Variants in TBC1D9 observed in about 807,000 individuals in gnomAD.
TBC1D9 encodes TBC1 domain family member 9.
Under a neutral mutation model 132.0 loss-of-function variants are expected in TBC1D9, and 63 were observed. The ratio of observed to expected loss-of-function variants is 0.48; its 90% CI spans 0.39 to 0.59. The LOEUF is 0.59. TBC1D9 is among the 20% of genes least tolerant of loss of function. TBC1D9 has a pLI of 0.00. For synonymous variants in TBC1D9, 610 were observed against 609.9 expected (o/e 1.00, Z 0.00); for missense variants, 1,261 against 1,592.7 (o/e 0.79, Z 3.54).
At chr4:140,732,891 A>C (rs989007986) in intron 1 of TBC1D9, among the ~76,000 whole-genome samples, 7 of 152,334 alleles carry the variant, frequency 4.6e-5, no homozygotes, top group Non-Finnish European at 7.4e-5. Flanking sequence ...AATTATAACA[A>C]TATACATCAT....
chr4:140,627,731 C>G (rs1290501620), intron 17 of TBC1D9, among the ~76,000 whole-genome samples: 1 of 152,094 alleles, frequency 6.6e-6, no homozygotes, highest in East Asian at 1.9e-4. Context: ...TTTTAACAAC[C>G]CCACACCAAA....
intron 13 of TBC1D9, among the ~76,000 whole-genome samples, chr4:140,649,549 T>A (rs77378451): frequency 2.0e-5 from 3 of 152,096 alleles, no homozygotes; most frequent in African/African-American, 7.2e-5. Context: ...GCTTTAGGTA[T>A]AGAAAAGCCT....
Position 140,639,434 on chromosome 4 carries a change from A to C in TBC1D9, c.2338-6T>G, listed in dbSNP as rs1326857258. On this transcript the variant is annotated splice_region_variant and splice_polypyrimidine_tract_variant and intron_variant, in intron 13 of 20. Coordinates refer to ENST00000442267, the MANE Select transcript of TBC1D9 (RefSeq NM_015130.3). ...GCCCGGATAGTTCCGAATTTCTGTA[A>C]AGGAGCAATATTGGTGTCTCTGAAA... is the stretch of plus-strand genomic sequence containing the variant. The C allele has an allele frequency of 8.1e-6, 13 of 1,598,206 alleles. No homozygotes were observed. Among genetic ancestry groups the C allele is most frequent in the Non-Finnish European group, 1.1e-5 (13 of 1,169,524 alleles).
chr4:140,735,781 C>T (rs1738664515), intron 1 of TBC1D9, among the ~76,000 whole-genome samples: 1 of 152,186 alleles, frequency 6.6e-6, no homozygotes, highest in South Asian at 2.1e-4. Context: ...AATAGCAAGA[C>T]CTACTGTGGC....
rs908649329 is a variant in TBC1D9, at chr4:140,657,895, C to T, written c.1922-83G>A. On this transcript the variant is annotated intron_variant, in intron 11 of 20. Coordinates refer to ENST00000442267, the MANE Select transcript of TBC1D9 (RefSeq NM_015130.3). Reference sequence around the variant, plus strand: ...AGAATCCATTCAAACAACTTGACTGCTAGCACAGGACTCTGTTCCTTTCTG... The same window carrying T: ...AGAATCCATTCAAACAACTTGACTGTTAGCACAGGACTCTGTTCCTTTCTG... 6 of 1,448,312 alleles carry T rather than the reference C, an allele frequency of 4.1e-6. No homozygotes were observed. In the African/African-American group the frequency reaches 8.5e-5, roughly 20 times the overall value. 89.7% of individuals were successfully genotyped at this position (1,448,312 alleles called of 1,614,324 possible).
chr4:140,739,938 G>A (rs1352242384), intron 1 of TBC1D9, among the ~76,000 whole-genome samples: 1 of 152,146 alleles, frequency 6.6e-6, no homozygotes, highest in African/African-American at 2.4e-5. Flanking sequence ...TGTAAACAGA[G>A]ACCAAATCCT....
At chr4:140,690,940 T>C (rs900616244) in intron 2 of TBC1D9, among the ~76,000 whole-genome samples, 15 of 152,352 alleles carry the variant, frequency 9.8e-5, no homozygotes, top group African/African-American at 3.4e-4. Context: ...AATTGAACTA[T>C]GGATTCCTAT....
chr4:140,656,990 T>G (rs2110996187), intron 13 of TBC1D9, 107 bp downstream of exon 13: 2 of 1,335,688 alleles, frequency 1.5e-6, no homozygotes, highest in East Asian at 4.8e-5. Context: ...AATAAATATC[T>G]GTTCTTTGCC....
chr4:140,639,666 C>T (rs1370768966), intron 13 of TBC1D9, among the ~76,000 whole-genome samples: 3 of 152,144 alleles, frequency 2.0e-5, no homozygotes, highest in Admixed American at 1.3e-4. Context: ...ATGTATTTTC[C>T]TTAAGTCATC....
At chr4:140,724,904 A>T (rs1282788037) in intron 1 of TBC1D9, among the ~76,000 whole-genome samples, 1 of 152,228 alleles carries the variant, frequency 6.6e-6, no homozygotes, top group Non-Finnish European at 1.5e-5. Context: ...ATAATATGAT[A>T]ACACATTCTG....
intron 2 of TBC1D9, among the ~76,000 whole-genome samples, chr4:140,688,757 C>T (rs1737828178): frequency 6.6e-6 from 1 of 152,130 alleles, no homozygotes; most frequent in Non-Finnish European, 1.5e-5. Context: ...TGTCTGTCGA[C>T]ACATTGTGGA....
At chr4:140,653,104 T>C (rs986015071) in intron 13 of TBC1D9, among the ~76,000 whole-genome samples, 1 of 152,224 alleles carries the variant, frequency 6.6e-6, no homozygotes, top group African/African-American at 2.4e-5. Flanking sequence ...AGAAGAAAAC[T>C]GGAGTCTCAC....
intron 2 of TBC1D9, among the ~76,000 whole-genome samples, chr4:140,700,283 C>G (rs1249816371): frequency 6.6e-6 from 1 of 151,780 alleles, no homozygotes; most frequent in Non-Finnish European, 1.5e-5. Context: ...AACCTCGTCT[C>G]TACTAAAAAT....
At chr4:140,749,717 C>T (rs55678322) in intron 1 of TBC1D9, among the ~76,000 whole-genome samples, 17,333 of 152,012 alleles carry the variant, frequency 0.11, 1,280 homozygotes, top group South Asian at 0.2. Context: ...CAACTATCTG[C>T]TATTTATAAA....
In TBC1D9 at chr4:140,662,129, CA is replaced by C. The variant is rs754769682; in HGVS notation, c.1589-23del. 5 of 1,594,772 alleles carry C rather than the reference CA, an allele frequency of 3.1e-6. No homozygotes were observed. The Admixed American group carries it at 8.3e-5, about 27-fold the overall frequency. ...GCACCTGAGATATATCCAACAGATA[CA>C]GTATCAAAAACGTGAGAGCTCTGCC... is the stretch of plus-strand genomic sequence containing the variant. On this transcript the variant is annotated intron_variant, in intron 9 of 20. Transcript: ENST00000442267.
At chr4:140,652,550 C>T (rs1166612774) in intron 13 of TBC1D9, among the ~76,000 whole-genome samples, 1 of 152,208 alleles carries the variant, frequency 6.6e-6, no homozygotes, top group Non-Finnish European at 1.5e-5. Context: ...CATCTCTCTT[C>T]TAATCCAAAT....
At chr4:140,669,569 A>G (rs1475513958) in intron 8 of TBC1D9, 65 bp downstream of exon 8, 1 of 1,504,882 alleles carries the variant, frequency 6.6e-7, no homozygotes, top group African/African-American at 1.4e-5. Flanking sequence ...TACTTACAGT[A>G]AAAAATATTG....
chr4:140,694,718 T>TATAC (rs1172126104), intron 2 of TBC1D9, among the ~76,000 whole-genome samples: 2 of 149,440 alleles, frequency 1.3e-5, no homozygotes, highest in African/African-American at 4.9e-5. Context: ...AAATATATAG[T>TATAC]ATACACATAG....
intron 1 of TBC1D9, among the ~76,000 whole-genome samples, chr4:140,709,246 T>TCACACA (rs1177824383): frequency 1.1e-3 from 114 of 102,350 alleles, no homozygotes; most frequent in African/African-American, 3.7e-3. Context: ...TCTCTCTCTC[T>TCACACA]CTCACACACA....
Sources: allele counts gnomAD v4.1 joint callset (sites outside exome capture counted in the v4.1 genomes callset), GRCh38; gene constraint gnomAD v4.1.1; transcripts MANE v1.5; gene names NCBI Gene and HGNC (gene_info 2026-07-23, HGNC 2026-07-21).